Variants in TVP23C observed in about 807,000 individuals in gnomAD.
TVP23C encodes trans-golgi network vesicle protein 23 homolog C.
A neutral mutation model predicts 28.7 loss-of-function variants in TVP23C; 19 were observed. That is an observed-to-expected ratio of 0.66 (90% confidence interval 0.46 to 0.97). The LOEUF (loss-of-function observed/expected upper bound fraction) is 0.97. Among genes scored for constraint, TVP23C ranks in the 50% least tolerant of loss-of-function variants. The pLI, the probability that TVP23C is intolerant of heterozygous loss-of-function variation, is 0.00. For synonymous variants in TVP23C, 68 were observed against 81.7 expected (o/e 0.83, Z 0.90); for missense variants, 186 against 241.3 (o/e 0.77, Z 1.52).
rs558071239 is a variant in TVP23C at position 15,538,415 on chromosome 17, C to T, written c.*1997G>A. 5.7e-5 allele frequency: 43 copies of T among 759,916 alleles called. No individual in the cohort carries two copies. In the South Asian group the frequency reaches 2.4e-3, roughly 42 times the overall value. 47.1% of individuals were successfully genotyped at this position (759,916 alleles called of 1,614,324 possible). Reference sequence around the variant, plus strand: ...ACCCTCCTGGCTAACACAGTGAAACCCCGTCTCTACTAAAAATACAAAAAA... The same window carrying T: ...ACCCTCCTGGCTAACACAGTGAAACTCCGTCTCTACTAAAAATACAAAAAA... On this transcript the variant is annotated 3_prime_UTR_variant, in exon 6 of 6. Coordinates refer to ENST00000518321, the MANE Select transcript of TVP23C (RefSeq NM_001135036.2).
Position 15,554,116 on chromosome 17 carries a change from G to C in TVP23C, c.96-287C>G, listed in dbSNP as rs573559295. ...AATAAAGAATTTTACCTCTCTTGGA[G>C]AAATAAGGAAACCGTATCTTAGAAT... is the stretch of plus-strand genomic sequence containing the variant. On this transcript the variant is annotated intron_variant, in intron 2 of 5. Coordinates refer to ENST00000518321, the MANE Select transcript of TVP23C (RefSeq NM_001135036.2). Among the ~76,000 whole-genome samples, 209 of 151,898 alleles carry C rather than the reference G, an allele frequency of 1.4e-3. 1 individual carries two copies. The highest frequency in any genetic ancestry group is 4.6e-3 in the African/African-American group (191 of 41,432).
rs1451891874 is a variant in TVP23C at position 15,547,700 on chromosome 17, C to T, written c.241-552G>A. Among the ~76,000 whole-genome samples, 6 of 152,136 alleles carry T rather than the reference C, an allele frequency of 3.9e-5. No individual in the cohort carries two copies. The East Asian group carries it at 7.7e-4, about 20-fold the overall frequency. ...AACAGTGACTAACAGATACCAACTC[C>T]TTCCTCAGGGAAAGAGGTGAAGAGA... On this transcript the variant is annotated intron_variant, in intron 3 of 5. Transcript: ENST00000518321.
At chr17:15,533,582 G>A (rs746655009), downstream of TVP23C, among the ~76,000 whole-genome samples, 7 of 152,102 alleles carry the variant, frequency 4.6e-5, no homozygotes, top group South Asian at 2.1e-4. Context: ...TATTGTCAAC[G>A]TCCACCCGTC....
Position 15,560,844 on chromosome 17 carries a change from G to A in TVP23C, c.12+2593C>T, listed in dbSNP as rs565536922. On this transcript the variant is annotated intron_variant, in intron 1 of 5. Coordinates refer to ENST00000518321, the MANE Select transcript of TVP23C (RefSeq NM_001135036.2). ...GCTGGGATTACAGGTGTGAGCCACC[G>A]CACCCGGCCAAGTTTTCATTTTTTA... 3.9e-4 allele frequency among the ~76,000 whole-genome samples: 59 copies of A among 149,896 alleles called. 2 individuals are homozygous for A. Among genetic ancestry groups the A allele is most frequent in the African/African-American group, 1.3e-3 (52 of 41,388 alleles).
At chr17:15,554,264 G>A (rs1984028078) in intron 2 of TVP23C, among the ~76,000 whole-genome samples, 1 of 141,610 alleles carries the variant, frequency 7.1e-6, no homozygotes, top group South Asian at 2.2e-4. Flanking sequence ...TTGAGACGGA[G>A]TCTCGCTCCG....
intron 1 of TVP23C, among the ~76,000 whole-genome samples, chr17:15,561,602 A>AAATGAATGAATG (rs201163005): frequency 5.5e-4 from 70 of 127,370 alleles, no homozygotes; most frequent in African/African-American, 1.6e-3. Flanking sequence ...TCCGTCTCAT[A>AAATGAATGAATG]AATGAATGAA....
intron 5 of TVP23C, among the ~76,000 whole-genome samples, chr17:15,521,562 G>C (rs544321251): frequency 1.3e-5 from 2 of 152,218 alleles, no homozygotes; most frequent in African/African-American, 4.8e-5. Flanking sequence ...ATTGGTATAG[G>C]GATATTCAAA....
intron 3 of TVP23C, among the ~76,000 whole-genome samples, chr17:15,550,671 T>A (rs1230124816): frequency 6.6e-6 from 1 of 152,234 alleles, no homozygotes; most frequent in African/African-American, 2.4e-5. Context: ...CTGTGAATGA[T>A]CTTCACTGTG....
At chr17:15,507,027 C>T (rs919473715) in intron 5 of TVP23C, 4 of 1,306,878 alleles carry the variant, frequency 3.1e-6, no homozygotes, top group Non-Finnish European at 4.4e-6. Context: ...CCTGCTTTCA[C>T]AGAATTATTC....
rs545901977 is a variant in TVP23C at position 15,507,826 on chromosome 17, G to A, written c.463-4594C>T. The stretch of plus-strand genomic sequence containing the variant: ...TGCACTTCAGCCTGGGTGACAGAGC[G>A]AGACTCCATCTCAAAAAAAAGAAAA... On this transcript the variant is annotated intron_variant, in intron 5 of 5. Transcript: ENST00000225576. 2.4e-4 allele frequency among the ~76,000 whole-genome samples: 37 copies of A among 152,058 alleles called. No individual in the cohort carries two copies. In the South Asian group the frequency reaches 4.0e-3, roughly 16 times the overall value.
At chr17:15,512,580 A>C (rs1185086883) in intron 5 of TVP23C, among the ~76,000 whole-genome samples, 1 of 152,200 alleles carries the variant, frequency 6.6e-6, no homozygotes, top group Non-Finnish European at 1.5e-5. Flanking sequence ...AGTGGAAAGC[A>C]ATCTCTGTTG....
intron 5 of TVP23C, among the ~76,000 whole-genome samples, chr17:15,527,886 CAG>C (rs1404892033): frequency 2.0e-5 from 3 of 152,232 alleles, no homozygotes; most frequent in Non-Finnish European, 2.9e-5. Context: ...GCTTACATAA[CAG>C]AATGTTCACA....
At chr17:15,513,665 C>G (rs1982097899) in intron 5 of TVP23C, among the ~76,000 whole-genome samples, 3 of 152,144 alleles carry the variant, frequency 2.0e-5, no homozygotes, top group Non-Finnish European at 4.4e-5. Context: ...TCTTTTCAAC[C>G]AGGAGGTTAG....
intron 5 of TVP23C, among the ~76,000 whole-genome samples, chr17:15,507,852 G>GA (rs1981833198): frequency 6.6e-6 from 1 of 151,860 alleles, no homozygotes; most frequent in Admixed American, 6.6e-5. Context: ...AAAAAGAAAA[G>GA]AAAAAACTAA....
chr17:15,504,567 CA>C (rs1981638194), intron 5 of TVP23C, among the ~76,000 whole-genome samples: 1 of 138,780 alleles, frequency 7.2e-6, no homozygotes, highest in South Asian at 2.2e-4. Context: ...TTAATAAAGA[CA>C]ATTTTTTTTT....
chr17:15,526,366 C>T lies in TVP23C; in HGVS notation c.462+19419G>A, dbSNP rs551037758. Among the ~76,000 whole-genome samples the T allele has an allele frequency of 2.6e-5, 4 of 152,190 alleles. No individual in the cohort carries two copies. In the South Asian group the frequency reaches 8.3e-4, roughly 32 times the overall value. On this transcript the variant is annotated intron_variant, in intron 5 of 5. Coordinates refer to the TVP23C transcript ENST00000225576. ...TTCACCTCTCTCTAGTTATATGACC[C>T]CAGGAAAGCTACTGATCCCCCAATC...
chr17:15,528,377 T>C (rs891075941), intron 5 of TVP23C, among the ~76,000 whole-genome samples: 18 of 151,868 alleles, frequency 1.2e-4, no homozygotes, highest in Non-Finnish European at 1.8e-4. Flanking sequence ...TAGCAGTATG[T>C]TGTTTAATTT....
intron 3 of TVP23C, among the ~76,000 whole-genome samples, chr17:15,552,515 G>A (rs1195421229): frequency 5.3e-5 from 8 of 151,936 alleles, no homozygotes; most frequent in Admixed American, 2.0e-4. Context: ...AACCCCGTCT[G>A]TACTAAAAAT....
intron 5 of TVP23C, among the ~76,000 whole-genome samples, chr17:15,529,569 T>C (rs1411454622): frequency 3.9e-5 from 6 of 152,238 alleles, no homozygotes; most frequent in South Asian, 2.1e-4. Flanking sequence ...TATGTTTTTC[T>C]GATGAATTGG....
Sources: gnomAD v4.1 joint callset for allele counts (sites outside exome capture counted in the v4.1 genomes callset) on GRCh38, gnomAD v4.1.1 for gene constraint, MANE v1.5 for transcripts, NCBI Gene and HGNC (gene_info 2026-07-23, HGNC 2026-07-21) for gene names.